The following TSPAN5 variants were observed in gnomAD, a reference collection of about 807,000 sequenced individuals.
The protein encoded by TSPAN5 is tetraspanin 5.
A neutral mutation model predicts 37.1 loss-of-function variants in TSPAN5; 10 were observed. That is an observed-to-expected ratio of 0.27 (90% CI 0.17 to 0.46). TSPAN5 has a LOEUF of 0.46. Among genes scored for constraint, TSPAN5 ranks in the 20% least tolerant of loss-of-function variants. The pLI is 1.00. For missense variants in TSPAN5, 195 were observed against 326.6 expected (o/e 0.60, Z 3.11); for synonymous variants, 110 against 118.9 (o/e 0.93, Z 0.48).
At chr4:98,601,894 C>A (rs915692568) in intron 1 of TSPAN5, among the ~76,000 whole-genome samples, 2 of 152,086 alleles carry the variant, frequency 1.3e-5, no homozygotes, top group Non-Finnish European at 2.9e-5. Flanking sequence ...ACTGAGAAAC[C>A]ATTACTCATC....
intron 2 of TSPAN5, among the ~76,000 whole-genome samples, chr4:98,507,422 T>G (rs190297344): frequency 6.6e-6 from 1 of 152,368 alleles, no homozygotes; most frequent in Non-Finnish European, 1.5e-5. Context: ...TTTGGCTAAC[T>G]GATCAAATTC....
chr4:98,623,655 T>C (rs1356157983), intron 1 of TSPAN5, among the ~76,000 whole-genome samples: 1 of 152,226 alleles, frequency 6.6e-6, no homozygotes, highest in African/African-American at 2.4e-5. Context: ...TGGGATTAAA[T>C]AAACATTGCC....
chr4:98,646,684 C>G (rs1757076053), intron 1 of TSPAN5, among the ~76,000 whole-genome samples: 1 of 152,132 alleles, frequency 6.6e-6, no homozygotes. Context: ...ACACTGTGAA[C>G]ATTTGTTAGA....
At chr4:98,624,387 G>A (rs567249450) in intron 1 of TSPAN5, among the ~76,000 whole-genome samples, 16 of 152,228 alleles carry the variant, frequency 1.1e-4, no homozygotes, top group African/African-American at 3.9e-4. Context: ...GCATAATGAT[G>A]AGGAGATAAA....
chr4:98,602,149 G>T (rs1755898217), intron 1 of TSPAN5, among the ~76,000 whole-genome samples: 1 of 152,102 alleles, frequency 6.6e-6, no homozygotes, highest in African/African-American at 2.4e-5. Context: ...ACCAAAATGT[G>T]ACACAGAGAC....
At chr4:98,555,781 C>T (rs990882700) in intron 1 of TSPAN5, among the ~76,000 whole-genome samples, 5 of 152,156 alleles carry the variant, frequency 3.3e-5, no homozygotes, top group African/African-American at 1.2e-4. Flanking sequence ...CCTTGCTTTA[C>T]CCACAACCAG....
rs1753094327 is a variant in TSPAN5, at chr4:98,491,864, G to A, written c.133-4980C>T. On this transcript the variant is annotated intron_variant, in intron 2 of 7. Transcript: ENST00000305798. Reference sequence around the variant, plus strand: ...GAGTAAGAAGTGCTAGTATATGCCTGCTGAAGAGTAATTATAATTAAACCT... The same window carrying A: ...GAGTAAGAAGTGCTAGTATATGCCTACTGAAGAGTAATTATAATTAAACCT... Among the ~76,000 whole-genome samples the A allele has an allele frequency of 2.0e-5, 3 of 151,230 alleles. No homozygotes were observed. In the South Asian group the frequency reaches 6.2e-4, roughly 31 times the overall value.
intron 4 of TSPAN5, among the ~76,000 whole-genome samples, chr4:98,480,039 G>A (rs1211159901): frequency 6.6e-6 from 1 of 152,098 alleles, no homozygotes; most frequent in Non-Finnish European, 1.5e-5. Flanking sequence ...TGCGTGACCA[G>A]AAGGCGGTGA....
intron 1 of TSPAN5, among the ~76,000 whole-genome samples, chr4:98,521,997 C>G (rs926146847): frequency 6.6e-6 from 1 of 152,176 alleles, no homozygotes; most frequent in South Asian, 2.1e-4. Flanking sequence ...TCTAATTTAA[C>G]TGTAAATATT....
chr4:98,594,799 A>T (rs1364504551), intron 1 of TSPAN5, among the ~76,000 whole-genome samples: 1 of 11,406 alleles, frequency 8.8e-5, no homozygotes, highest in Non-Finnish European at 1.4e-4. Context: ...CCACTTGATC[A>T]TGGTGGATAA....
At position 98,486,881 on chromosome 4, in the gene TSPAN5, C is replaced by A. The variant is rs1752971881; in HGVS notation, c.136G>T (p.Val46Phe). 3 of 1,613,722 alleles carry A rather than the reference C, an allele frequency of 1.9e-6. No homozygotes were observed. Among genetic ancestry groups the A allele is most frequent in the Admixed American group, 1.7e-5 (1 of 59,968 alleles). The part of the protein sequence containing the change: ...IGLWAWNEKG[V>F]LSNISSITDL... ...GTGATGGAAGAGATGTTGGACAGAA[C>A]TCCCTGGGAGCAGAAAAGAACACAC... Residue 46 changes from valine to phenylalanine, a missense_variant, in exon 3 of 8, where the codon GTT becomes TTT. Coordinates refer to ENST00000305798, the MANE Select transcript of TSPAN5 (RefSeq NM_005723.4).
At chr4:98,509,664 G>A (rs768700521) in intron 1 of TSPAN5, 5 of 152,184 alleles carry the variant, frequency 3.3e-5, no homozygotes, top group South Asian at 2.1e-4. Flanking sequence ...CTGAAAAACC[G>A]TGCTCAGCCC....
chr4:98,618,741 A>C (rs1310767310), intron 1 of TSPAN5, among the ~76,000 whole-genome samples: 1 of 152,196 alleles, frequency 6.6e-6, no homozygotes, highest in Non-Finnish European at 1.5e-5. Context: ...GTAGGAGCAA[A>C]AACTAAAACT....
At chr4:98,622,411 A>G (rs1026634436) in intron 1 of TSPAN5, among the ~76,000 whole-genome samples, 14 of 152,190 alleles carry the variant, frequency 9.2e-5, no homozygotes, top group African/African-American at 3.4e-4. Flanking sequence ...CCTGTTTTCA[A>G]TTCTTTTGGA....
At chr4:98,533,528 T>TGATA (rs1232300122) in intron 1 of TSPAN5, among the ~76,000 whole-genome samples, 1 of 140,306 alleles carries the variant, frequency 7.1e-6, no homozygotes, top group East Asian at 2.1e-4. Flanking sequence ...GGATTGGTGG[T>TGATA]GATATCCCCT....
chr4:98,476,110 T>A, intron 7 of TSPAN5, 79 bp downstream of exon 7: 1 of 1,107,190 alleles, frequency 9.0e-7, no homozygotes. Flanking sequence ...TCAAGGTTTT[T>A]AAGCAAAGCT....
chr4:98,630,059 G>A (rs900933880), intron 1 of TSPAN5, among the ~76,000 whole-genome samples: 2 of 152,166 alleles, frequency 1.3e-5, no homozygotes, highest in Non-Finnish European at 2.9e-5. Context: ...TGCATTTGGT[G>A]TGGTCAGAGA....
intron 1 of TSPAN5, among the ~76,000 whole-genome samples, chr4:98,590,689 G>C (rs1446571253): frequency 6.7e-6 from 1 of 148,848 alleles, no homozygotes; most frequent in African/African-American, 2.5e-5. Flanking sequence ...CAGCCTGGGC[G>C]ACAGAGCGAG....
intron 1 of TSPAN5, among the ~76,000 whole-genome samples, chr4:98,582,202 G>A (rs559074110): frequency 1.3e-5 from 2 of 152,320 alleles, no homozygotes; most frequent in South Asian, 2.1e-4. Flanking sequence ...GCGCATAGCC[G>A]CTGGGCCCTC....
Sources: gnomAD v4.1 joint callset for allele counts (sites outside exome capture counted in the v4.1 genomes callset) on GRCh38, gnomAD v4.1.1 for gene constraint, MANE v1.5 for transcripts, NCBI Gene and HGNC (gene_info 2026-07-23, HGNC 2026-07-21) for gene names.